The following APOOL variants were observed in gnomAD, a reference collection of about 807,000 sequenced individuals.
APOOL encodes apolipoprotein O like.
Under a neutral mutation model 23.1 loss-of-function variants are expected in APOOL, and 12 were observed. The observed-to-expected ratio is 0.52, with a 90% CI of 0.33 to 0.84. APOOL has a LOEUF of 0.84. APOOL is among the 40% of genes least tolerant of loss of function. APOOL has a pLI of 0.02. For synonymous variants in APOOL, 77 were observed against 69.9 expected (o/e 1.10, Z -0.51); for missense variants, 212 against 199.6 (o/e 1.06, Z -0.37).
intron 2 of APOOL, among the ~76,000 whole-genome samples, chrX:85,050,043 C>T (rs760607834): frequency 9.0e-6 from 1 of 111,118 alleles, no homozygotes; most frequent in Non-Finnish European, 1.9e-5. Context: ...ATATATAAAA[C>T]GCATCTTTAA....
chrX:85,075,849 TACTC>T (rs1231899730), intron 8 of APOOL, among the ~76,000 whole-genome samples: 1 of 111,675 alleles, frequency 9.0e-6, no homozygotes, highest in East Asian at 2.8e-4. Context: ...CAGTGCTACT[TACTC>T]ATTCTTATCA....
At chrX:85,077,121 T>A in intron 8 of APOOL, among the ~76,000 whole-genome samples, 1 of 102,695 alleles carries the variant, frequency 9.7e-6, no homozygotes, top group Non-Finnish European at 2.0e-5. Context: ...ATTTTTTTAA[T>A]TATACTTTAA....
At chrX:85,054,274 C>T in intron 3 of APOOL, 70 bp from the exon 4 acceptor site, 2 of 953,466 alleles carry the variant, frequency 2.1e-6, no homozygotes, top group Admixed American at 6.2e-5. Context: ...CTCAGAGATG[C>T]AGGCAATTTT....
intron 8 of APOOL, among the ~76,000 whole-genome samples, chrX:85,077,719 C>G (rs1056614222): frequency 8.9e-6 from 1 of 111,837 alleles, no homozygotes; most frequent in African/African-American, 3.3e-5. Context: ...TTTACACTCC[C>G]ACCAACAGTG....
At chrX:85,060,876 T>A (rs1016524673) in intron 5 of APOOL, among the ~76,000 whole-genome samples, 2 of 111,321 alleles carry the variant, frequency 1.8e-5, no homozygotes, top group Non-Finnish European at 3.8e-5. Context: ...CTTTATTTCC[T>A]TCTCCTGCCT....
intron 1 of APOOL, among the ~76,000 whole-genome samples, chrX:85,033,813 T>C (rs1314605825): frequency 2.7e-5 from 3 of 112,017 alleles, no homozygotes; most frequent in Admixed American, 9.5e-5. Flanking sequence ...TTTTCCATCA[T>C]GCATTTGTAG....
chrX:85,048,701 C>T (rs762995803), intron 2 of APOOL, among the ~76,000 whole-genome samples: 11 of 111,877 alleles, frequency 9.8e-5, no homozygotes, highest in Non-Finnish European at 1.9e-4. Flanking sequence ...TTCTACTAAA[C>T]CAGAATACTT....
chrX:85,064,322 C>CA lies in APOOL; in HGVS notation c.395-2798dup, dbSNP rs200463714. Among the ~76,000 whole-genome samples, 737 of 99,077 alleles carry CA rather than the reference C, an allele frequency of 7.4e-3. 7 individuals carry two copies. The highest frequency in any genetic ancestry group is 0.012 in the Non-Finnish European group (585 of 49,595). 86.0% of individuals were successfully genotyped at this position (99,077 alleles called of 115,157 possible). On this transcript the variant is annotated intron_variant, in intron 5 of 8. Coordinates refer to ENST00000373173, the MANE Select transcript of APOOL (RefSeq NM_198450.6). The stretch of plus-strand genomic sequence containing the variant: ...TATTGTTGTTGTTTTTTGTTTTTTT[C>CA]AAAAAAACAGCTCCTGGATTTTTTT...
At chrX:85,046,301 A>T (rs987431292) in intron 1 of APOOL, 145 bp from the exon 2 acceptor site, 2 of 451,943 alleles carry the variant, frequency 4.4e-6, no homozygotes, top group African/African-American at 5.0e-5. Flanking sequence ...TGTCTTAAAA[A>T]TGTCTGAGGT....
At chrX:85,037,414 T>C (rs1169014013) in intron 1 of APOOL, among the ~76,000 whole-genome samples, 1 of 111,768 alleles carries the variant, frequency 8.9e-6, no homozygotes, top group East Asian at 2.8e-4. Context: ...TCTTCTCTTG[T>C]CTGCTGCCAT....
chrX:85,019,741 G>A (rs182425959), intron 1 of APOOL, among the ~76,000 whole-genome samples: 2 of 111,812 alleles, frequency 1.8e-5, no homozygotes, highest in African/African-American at 6.5e-5. Context: ...GGGTCTCTAG[G>A]ACATTCCACA....
At chrX:85,078,722 A>T (rs1470119407) in intron 8 of APOOL, among the ~76,000 whole-genome samples, 1 of 111,533 alleles carries the variant, frequency 9.0e-6, no homozygotes, top group Non-Finnish European at 1.9e-5. Context: ...CCTATCCATG[A>T]TCATGGACTG....
At chrX:85,078,042 C>G (rs1428996589) in intron 8 of APOOL, among the ~76,000 whole-genome samples, 1 of 111,494 alleles carries the variant, frequency 9.0e-6, no homozygotes, top group East Asian at 2.8e-4. Flanking sequence ...TGTAGGTTGC[C>G]TGTTCACTCT....
intron 3 of APOOL, among the ~76,000 whole-genome samples, chrX:85,053,673 T>C (rs1922857198): frequency 9.0e-6 from 1 of 111,341 alleles, no homozygotes; most frequent in African/African-American, 3.3e-5. Context: ...ACTCAATAAA[T>C]ATATTTAACA....
At chrX:85,008,535 T>TTTGTGTGTGTGTGTGTG (rs778983009) in intron 1 of APOOL, among the ~76,000 whole-genome samples, 2 of 86,140 alleles carry the variant, frequency 2.3e-5, no homozygotes, top group African/African-American at 8.6e-5. Flanking sequence ...TGATAACCCG[T>TTTGTGTGTGTGTGTGTG]TGTGTGTGTG....
chrX:85,061,729 C>T (rs1399717118), intron 5 of APOOL, among the ~76,000 whole-genome samples: 2 of 111,459 alleles, frequency 1.8e-5, no homozygotes, highest in Non-Finnish European at 1.9e-5. Flanking sequence ...GTGGTGATAT[C>T]CCCTTTATCA....
At position 85,092,448 on chromosome X, in the gene APOOL, G is replaced by A; in HGVS notation, c.*4770G>A. 3 of 1,199,249 alleles carry A rather than the reference G, an allele frequency of 2.5e-6. No homozygotes were observed. The South Asian group carries it at 5.5e-5, about 22-fold the overall frequency. On this transcript the variant is annotated 3_prime_UTR_variant, in exon 9 of 9. Coordinates refer to ENST00000373173, the MANE Select transcript of APOOL (RefSeq NM_198450.6). ...CTCTGTTAAACCTGAAGAGATGCCA[G>A]CCCTCCTCAGAGGAAAGGTCTAAAG...
intron 8 of APOOL, among the ~76,000 whole-genome samples, chrX:85,085,303 T>C (rs1924250465): frequency 9.0e-6 from 1 of 111,641 alleles, no homozygotes; most frequent in Non-Finnish European, 1.9e-5. Flanking sequence ...TTGAAGACAA[T>C]GTCCATTTAA....
rs955685446 is a variant in APOOL, at chrX:85,085,130, C to A, written c.719-2460C>A. On this transcript the variant is annotated intron_variant, in intron 8 of 8. Transcript: ENST00000373173. Reference sequence around the variant, plus strand: ...CCTTAAGTGTATTAAACAACAATATCTAACAATAGGTCTAATAACTTTTAA... The same window carrying A: ...CCTTAAGTGTATTAAACAACAATATATAACAATAGGTCTAATAACTTTTAA... 4.5e-5 allele frequency among the ~76,000 whole-genome samples: 5 copies of A among 111,648 alleles called. 1 individual carries two copies. Among genetic ancestry groups the A allele is most frequent in the Admixed American group, 9.6e-5 (1 of 10,469 alleles).
Sources: gnomAD v4.1 joint callset for allele counts (sites outside exome capture counted in the v4.1 genomes callset) on GRCh38, gnomAD v4.1.1 for gene constraint, MANE v1.5 for transcripts, NCBI Gene and HGNC (gene_info 2026-07-23, HGNC 2026-07-21) for gene names.